Variants in SERPINA6 observed in about 807,000 individuals in gnomAD.
SERPINA6 encodes the protein serpin family A member 6.
Under a neutral mutation model 26.4 loss-of-function variants are expected in SERPINA6, and 19 were observed. The ratio of observed to expected loss-of-function variants is 0.72; its 90% confidence interval spans 0.50 to 1.06. The LOEUF (loss-of-function observed/expected upper bound fraction) is 1.06. SERPINA6 is among the 50% of genes least tolerant of loss of function. SERPINA6 has a pLI of 0.00. For missense variants in SERPINA6, 473 were observed against 504.0 expected (o/e 0.94, Z 0.59); for synonymous variants, 196 against 199.4 (o/e 0.98, Z 0.14).
intron 3 of SERPINA6, among the ~76,000 whole-genome samples, chr14:94,308,573 C>T (rs990260625): frequency 6.6e-6 from 1 of 152,182 alleles, no homozygotes; most frequent in African/African-American, 2.4e-5. Flanking sequence ...CTGCATCAGC[C>T]CCCCTGCCAC....
Position 94,307,750 on chromosome 14 carries a change from A to G in SERPINA6, c.885-1532T>C, listed in dbSNP as rs1895463855. ...CAAGCGTAGTTATGGATGGTTTAAG[A>G]ACTGTGTCCTCCACATAGCTATAGG... is the stretch of plus-strand genomic sequence containing the variant. On this transcript the variant is annotated intron_variant, in intron 3 of 4. Coordinates refer to ENST00000341584, the MANE Select transcript of SERPINA6 (RefSeq NM_001756.4). 3.9e-5 allele frequency among the ~76,000 whole-genome samples: 6 copies of G among 152,312 alleles called. No homozygotes were observed. In the South Asian group the frequency reaches 1.2e-3, roughly 32 times the overall value.
intron 1 of SERPINA6, among the ~76,000 whole-genome samples, chr14:94,317,951 A>G (rs1895634739): frequency 6.6e-6 from 1 of 152,228 alleles, no homozygotes; most frequent in African/African-American, 2.4e-5. Flanking sequence ...TCAAAACCCT[A>G]AAAATTCTAT....
chr14:94,306,340 C>G, intron 3 of SERPINA6, 122 bp from the exon 4 acceptor site: 1 of 1,017,978 alleles, frequency 9.8e-7, no homozygotes, highest in Non-Finnish European at 1.5e-6. Context: ...CTCCTGCCCT[C>G]CAGCCTGACT....
chr14:94,310,801 C>T (rs1043551385), intron 2 of SERPINA6, among the ~76,000 whole-genome samples: 1 of 152,162 alleles, frequency 6.6e-6, no homozygotes, highest in African/African-American at 2.4e-5. Flanking sequence ...GGCTGAGTGT[C>T]ACAGGGTCTC....
chr14:94,305,384 G>A (rs1267985104), intron 4 of SERPINA6, among the ~76,000 whole-genome samples: 4 of 152,204 alleles, frequency 2.6e-5, no homozygotes, highest in African/African-American at 9.7e-5. Context: ...CTGTGGGGAA[G>A]CTGCATACCC....
chr14:94,306,360 TG>T (rs1390101039), intron 3 of SERPINA6, 142 bp from the exon 4 acceptor site: 2 of 866,294 alleles, frequency 2.3e-6, no homozygotes, highest in East Asian at 5.3e-5. Context: ...TTGCTCTTTG[TG>T]GGTAGGAGAA....
chr14:94,315,041 G>T (rs1401722367), intron 1 of SERPINA6, among the ~76,000 whole-genome samples: 1 of 152,190 alleles, frequency 6.6e-6, no homozygotes, highest in Non-Finnish European at 1.5e-5. Flanking sequence ...AATGCTGGAA[G>T]AAAAGCAAAA....
intron 1 of SERPINA6, among the ~76,000 whole-genome samples, chr14:94,317,468 G>C (rs987968908): frequency 6.6e-6 from 1 of 152,166 alleles, no homozygotes; most frequent in Non-Finnish European, 1.5e-5. Context: ...GGAGGAGCTT[G>C]GCCTCTCTCT....
chr14:94,305,391 AC>A (rs1695367639), intron 4 of SERPINA6, among the ~76,000 whole-genome samples: 1 of 152,234 alleles, frequency 6.6e-6, no homozygotes, highest in African/African-American at 2.4e-5. Flanking sequence ...GAAGCTGCAT[AC>A]CCTCCCTGAG....
At chr14:94,314,758 A>C (rs1401916842) in intron 1 of SERPINA6, 91 bp from the exon 2 acceptor site, 1 of 1,245,494 alleles carries the variant, frequency 8.0e-7, no homozygotes, top group East Asian at 2.3e-5. Context: ...GACCCCATTC[A>C]AGCCCCAGTT....
At chr14:94,314,861 T>C in intron 1 of SERPINA6, 194 bp from the exon 2 acceptor site, 3 of 629,594 alleles carry the variant, frequency 4.8e-6, no homozygotes, top group Non-Finnish European at 8.5e-6. Context: ...ACAGCCGTTA[T>C]GATTTATCCA....
intron 1 of SERPINA6, among the ~76,000 whole-genome samples, chr14:94,317,997 A>G (rs534621226): frequency 6.6e-6 from 1 of 152,374 alleles, no homozygotes; most frequent in South Asian, 2.1e-4. Flanking sequence ...GTTGCAAGAT[A>G]TAAAATCAAA....
At chr14:94,311,154 G>T (rs1347474804) in intron 2 of SERPINA6, among the ~76,000 whole-genome samples, 2 of 152,194 alleles carry the variant, frequency 1.3e-5, no homozygotes, top group Non-Finnish European at 1.5e-5. Flanking sequence ...AGCTATGCTG[G>T]TCCCTTCTTA....
chr14:94,307,766 T>C lies in SERPINA6; in HGVS notation c.885-1548A>G, dbSNP rs2139716147. ...TGGTTTAAGAACTGTGTCCTCCACA[T>C]AGCTATAGGGGATTGCTCAGAAACA... On this transcript the variant is annotated intron_variant, in intron 3 of 4. Coordinates refer to ENST00000341584, the MANE Select transcript of SERPINA6 (RefSeq NM_001756.4). Among the ~76,000 whole-genome samples the C allele has an allele frequency of 2.6e-5, 4 of 152,306 alleles. No individual in the cohort carries two copies. The Middle Eastern group carries it at 0.014, about 518-fold the overall frequency.
intron 4 of SERPINA6, 104 bp downstream of exon 4, chr14:94,305,967 A>T: frequency 2.2e-6 from 3 of 1,336,406 alleles, no homozygotes; most frequent in African/African-American, 1.4e-5. Context: ...TCAGCCAGGG[A>T]CCTAGAGGCT....
rs766028190 is a variant in SERPINA6 at position 94,309,777 on chromosome 14, G to A, written c.843C>T (p.Ser281=). The change falls in exon 3 of 5, where the codon AGC becomes AGT. Residue 281 remains serine, a synonymous_variant. Coordinates refer to ENST00000341584, the MANE Select transcript of SERPINA6 (RefSeq NM_001756.4). ...CGGACCACCTGTTAATCGTGTCCCG[G>A]CTCAGTGCAGCGATGACTGTGTTCA... ...GKMNTVIAAL[S]RDTINRWSAG... 1.2e-6 allele frequency: 2 copies of A among 1,614,152 alleles called. No homozygotes were observed. The highest frequency in any genetic ancestry group is 3.3e-5 in the Admixed American group (2 of 60,028).
chr14:94,320,868 A>T (rs892871046), intron 1 of SERPINA6, among the ~76,000 whole-genome samples: 4 of 152,142 alleles, frequency 2.6e-5, no homozygotes, highest in Non-Finnish European at 4.4e-5. Flanking sequence ...GGCAGGTGTG[A>T]CCTGCTCCCC....
chr14:94,314,782 T>A, intron 1 of SERPINA6, 115 bp from the exon 2 acceptor site: 1 of 955,004 alleles, frequency 1.0e-6, no homozygotes, highest in Non-Finnish European at 1.6e-6. Context: ...TCCTCCACAC[T>A]GGCTGTGTGA....
Position 94,304,723 on chromosome 14 carries a change from G to A in SERPINA6, c.1033-120C>T, listed in dbSNP as rs940205961. 13 of 815,492 alleles carry A rather than the reference G, an allele frequency of 1.6e-5. No homozygotes were observed. In the Admixed American group the frequency reaches 3.1e-4, roughly 19 times the overall value. 50.5% of individuals were successfully genotyped at this position (815,492 alleles called of 1,614,324 possible). On this transcript the variant is annotated intron_variant, in intron 4 of 4. Transcript: ENST00000341584. ...GAAGGTAAATCCAGGGTCAGAGAAG[G>A]TCACTTGCTGGATTCTTATCCAAGT...
Sources: gnomAD v4.1 joint callset for allele counts (sites outside exome capture counted in the v4.1 genomes callset) on GRCh38, gnomAD v4.1.1 for gene constraint, MANE v1.5 for transcripts, NCBI Gene and HGNC (gene_info 2026-07-23, HGNC 2026-07-21) for gene names.